The following ATXN7 variants were observed in gnomAD, a reference collection of about 807,000 sequenced individuals.
The protein encoded by ATXN7 is ataxin-7.
In ATXN7, 12 loss-of-function variants were observed where a neutral mutation model predicts 70.5. That is an observed-to-expected ratio of 0.17 (90% CI 0.11 to 0.28). The LOEUF (loss-of-function observed/expected upper bound fraction) is 0.28, where lower values mean the gene tolerates loss of function less well. Among genes scored for constraint, ATXN7 ranks in the 10% least tolerant of loss-of-function variants. The pLI is 1.00. For missense variants in ATXN7, 1,256 were observed against 1,131.7 expected (o/e 1.11, Z -1.58); for synonymous variants, 498 against 448.7 (o/e 1.11, Z -1.39).
chr3:63,951,573 G>A (rs1353910833), intron 4 of ATXN7, among the ~76,000 whole-genome samples: 3 of 152,282 alleles, frequency 2.0e-5, no homozygotes, highest in African/African-American at 7.2e-5. Flanking sequence ...TTAGATTCTG[G>A]ATCTGAACTT....
At chr3:63,916,230 T>A (rs1014524722) in intron 4 of ATXN7, among the ~76,000 whole-genome samples, 5 of 152,206 alleles carry the variant, frequency 3.3e-5, no homozygotes, top group African/African-American at 1.2e-4. Flanking sequence ...ACACACTAAT[T>A]CCTTTTAACT....
intron 1 of ATXN7, among the ~76,000 whole-genome samples, chr3:63,884,556 G>T (rs1193025056): frequency 6.6e-6 from 1 of 151,972 alleles, no homozygotes; most frequent in Non-Finnish European, 1.5e-5. Flanking sequence ...GGAGAGAATA[G>T]ATAAATCTTT....
At chr3:63,994,366 C>T (rs111320761) in intron 11 of ATXN7, among the ~76,000 whole-genome samples, 2,622 of 152,242 alleles carry the variant, frequency 0.017, 83 homozygotes, top group African/African-American at 0.058. Context: ...TTCTAAGTAG[C>T]TGGGATTACA....
chr3:63,988,189 A>G lies in ATXN7; in HGVS notation c.1226A>G (p.Gln409Arg). ...IRHPDSQQPP[Q>R]PLRDPHPAPP... ...CATCCGGACTCTCAGCAACCACCGC[A>G]GCCTCTCAGGGACCCGCATCCCGCC... Residue 409 changes from glutamine to arginine, a missense_variant, in exon 9 of 13, where the codon CAG (glutamine) becomes CGG (arginine). Physicochemically the swap from Gln to Arg is conservative, Grantham distance 43. Transcript: ENST00000674280. 1 of 1,614,116 alleles carries G rather than the reference A, an allele frequency of 6.2e-7. No homozygotes were observed. The highest frequency in any genetic ancestry group is 8.5e-7 in the Non-Finnish European group (1 of 1,180,000).
chr3:63,928,942 G>C (rs59971314), intron 4 of ATXN7, among the ~76,000 whole-genome samples: 55,634 of 151,940 alleles, frequency 0.37, 11,315 homozygotes, highest in African/African-American at 0.55. Flanking sequence ...AATGGATTAT[G>C]TCAGGACCTT....
upstream of ATXN7, chr3:63,863,736 T>TGCAGCGGGCGCGTGTG: frequency 8.0e-7 from 1 of 1,249,090 alleles, no homozygotes; most frequent in Non-Finnish European, 1.0e-6. Context: ...CAGCGGGCCG[T>TGCAGCGGGCGCGTGTG]GCAGCGGGCG....
intron 1 of ATXN7, among the ~76,000 whole-genome samples, chr3:63,880,637 G>T (rs1268501847): frequency 1.3e-5 from 2 of 152,074 alleles, no homozygotes; most frequent in Non-Finnish European, 2.9e-5. Context: ...GATTTCATTT[G>T]TCTGGGGTGC....
At chr3:63,981,901 G>A (rs1179257008) in intron 6 of ATXN7, among the ~76,000 whole-genome samples, 3 of 152,188 alleles carry the variant, frequency 2.0e-5, no homozygotes, top group Non-Finnish European at 4.4e-5. Context: ...GCATTGCATT[G>A]GGTATCAGGT....
intron 8 of ATXN7, among the ~76,000 whole-genome samples, chr3:63,987,211 G>A (rs186018271): frequency 3.3e-5 from 5 of 152,320 alleles, no homozygotes; most frequent in Admixed American, 6.5e-5. Context: ...TATGAAATGC[G>A]TTTGGACTAC....
At chr3:63,922,651 A>T (rs972826273) in intron 4 of ATXN7, among the ~76,000 whole-genome samples, 3 of 152,122 alleles carry the variant, frequency 2.0e-5, no homozygotes, top group African/African-American at 7.2e-5. Context: ...TCCTACTTAC[A>T]TGATTTTTTT....
chr3:63,926,191 C>T (rs1478469955), intron 4 of ATXN7, among the ~76,000 whole-genome samples: 1 of 152,206 alleles, frequency 6.6e-6, no homozygotes, highest in African/African-American at 2.4e-5. Flanking sequence ...TGAGCATCTA[C>T]TTTGTGCTAG....
intron 1 of ATXN7, among the ~76,000 whole-genome samples, chr3:63,884,203 GCACACACACACACACA>G (rs57391192): frequency 7.0e-6 from 1 of 142,916 alleles, no homozygotes; most frequent in Non-Finnish European, 1.5e-5. Flanking sequence ...AATAACATGC[GCACACACACACACACA>G]CACACACACA....
intron 1 of ATXN7, among the ~76,000 whole-genome samples, chr3:63,885,927 G>A (rs1164025328): frequency 1.3e-5 from 2 of 152,174 alleles, no homozygotes; most frequent in Non-Finnish European, 2.9e-5. Flanking sequence ...TGAGCCAGGA[G>A]AATCGCTTCA....
chr3:63,889,855 G>A (rs1211413190), intron 1 of ATXN7, among the ~76,000 whole-genome samples: 1 of 152,180 alleles, frequency 6.6e-6, no homozygotes, highest in Non-Finnish European at 1.5e-5. Flanking sequence ...TTTGGCCCTA[G>A]CTCCTAACAT....
At chr3:63,866,611 T>A (rs1406824265) in intron 1 of ATXN7, among the ~76,000 whole-genome samples, 1 of 152,212 alleles carries the variant, frequency 6.6e-6, no homozygotes, top group Non-Finnish European at 1.5e-5. Context: ...TTATGAACTC[T>A]AAAATCTATT....
chr3:63,879,025 G>A (rs1702829779), intron 1 of ATXN7, among the ~76,000 whole-genome samples: 1 of 152,216 alleles, frequency 6.6e-6, no homozygotes, highest in Admixed American at 6.5e-5. Context: ...ATGGTGGAAA[G>A]TTGGTCTGGG....
chr3:63,995,282 C>T (rs1303883316), intron 11 of ATXN7, among the ~76,000 whole-genome samples: 5 of 151,694 alleles, frequency 3.3e-5, no homozygotes, highest in Admixed American at 3.3e-4. Flanking sequence ...GAGGCTGGGG[C>T]AATAGCAGCG....
At chr3:63,908,232 T>C (rs967903024) in intron 2 of ATXN7, among the ~76,000 whole-genome samples, 2 of 152,214 alleles carry the variant, frequency 1.3e-5, no homozygotes, top group Admixed American at 6.5e-5. Flanking sequence ...ATTTACTCTT[T>C]CCACTGTTCT....
At position 63,988,210 on chromosome 3, in the gene ATXN7, C is replaced by G; in HGVS notation, c.1247C>G (p.Pro416Arg). 6.2e-7 allele frequency: 1 copy of G among 1,613,996 alleles called. No individual in the cohort carries two copies. The highest frequency in any genetic ancestry group is 8.5e-7 in the Non-Finnish European group (1 of 1,179,974). Residue 416 changes from proline (P) to arginine (R), a missense_variant, in exon 9 of 13, where the codon CCC (proline) becomes CGC (arginine). Physicochemically the swap from Pro to Arg is moderately radical, Grantham distance 103 (BLOSUM62 -2). Transcript: ENST00000674280. ...QPPQPLRDPH[P>R]APPRTSQEPH... is the part of the protein sequence containing the mutation. ...CCGCAGCCTCTCAGGGACCCGCATC[C>G]CGCCCCTCCTAGAACGTCACAGGAG...
Sources: gnomAD v4.1 joint callset for allele counts (sites outside exome capture counted in the v4.1 genomes callset) on GRCh38, gnomAD v4.1.1 for gene constraint, MANE v1.5 for transcripts, NCBI Gene and HGNC (gene_info 2026-07-23, HGNC 2026-07-21) for gene names.